The following ARL15 variants were observed in gnomAD, a reference collection of about 807,000 sequenced individuals.
ARL15 encodes ADP-ribosylation factor-like protein 15.
ARL15 carries 19 observed loss-of-function variants against 25.2 expected under a neutral mutation model. That is an observed-to-expected ratio of 0.75 (90% CI 0.53 to 1.10). ARL15 has a LOEUF of 1.10. Ranked by LOEUF, ARL15 falls within the 50% of genes least tolerant of loss-of-function variation. The pLI, the probability that ARL15 is intolerant of heterozygous loss-of-function variation, is 0.00. For synonymous variants in ARL15, 94 were observed against 86.8 expected, an observed-to-expected ratio of 1.08 and a Z score of -0.46; for missense variants, 220 against 246.0, an observed-to-expected ratio of 0.89 and a Z score of 0.71.
chr5:54,179,277 G>T lies in ARL15; in HGVS notation c.49-7349C>A, dbSNP rs143161065. Among the ~76,000 whole-genome samples, 48 of 152,254 alleles carry T rather than the reference G, an allele frequency of 3.2e-4. No homozygotes were observed. The East Asian group carries it at 8.7e-3, about 28-fold the overall frequency. On this transcript the variant is annotated intron_variant, in intron 1 of 4. Coordinates refer to ENST00000504924, the MANE Select transcript of ARL15 (RefSeq NM_019087.3). ...TGGCAGAGCTGGGGTTCGAGCCAGG[G>T]TTATTCCACTCCAGAGCCCTAGTTC...
rs1250273760 is a variant in ARL15, at chr5:53,987,614, GTTTC to G, written c.463-100905_463-100902del. Among the ~76,000 whole-genome samples the G allele has an allele frequency of 7.9e-5, 12 of 152,176 alleles. No homozygotes were observed. The South Asian group carries it at 2.1e-3, about 26-fold the overall frequency. ...AAAGAAGAAGGGAAGCTCAAGTCAA[GTTTC>G]TTTCCATTTAGAATAGAGCTTTGGG... On this transcript the variant is annotated intron_variant, in intron 4 of 4. Transcript: ENST00000504924.
intron 1 of ARL15, among the ~76,000 whole-genome samples, chr5:54,187,227 C>T (rs1165862938): frequency 6.6e-6 from 1 of 152,128 alleles, no homozygotes; most frequent in African/African-American, 2.4e-5. Context: ...GGGCATTGTG[C>T]CACTGAGCTG....
chr5:53,982,584 A>G (rs1461094746), intron 4 of ARL15, among the ~76,000 whole-genome samples: 1 of 152,032 alleles, frequency 6.6e-6, no homozygotes, highest in Non-Finnish European at 1.5e-5. Context: ...CCAGTCTATC[A>G]TTGATGGGCA....
intron 4 of ARL15, among the ~76,000 whole-genome samples, chr5:53,938,878 C>T (rs6898965): frequency 0.091 from 13,915 of 152,210 alleles, 776 homozygotes; most frequent in African/African-American, 0.15. Context: ...CAATTCTTAT[C>T]GGTGTTTACA....
chr5:54,177,812 G>A (rs1754928380), intron 1 of ARL15, among the ~76,000 whole-genome samples: 1 of 152,088 alleles, frequency 6.6e-6, no homozygotes, highest in Non-Finnish European at 1.5e-5. Context: ...CAGAATAAAA[G>A]TTCCTCCCCA....
At chr5:54,263,016 C>A (rs1757533141) in intron 1 of ARL15, among the ~76,000 whole-genome samples, 1 of 152,128 alleles carries the variant, frequency 6.6e-6, no homozygotes, top group South Asian at 2.1e-4. Context: ...AGTAGGATAA[C>A]AATATGGCAA....
intron 4 of ARL15, among the ~76,000 whole-genome samples, chr5:53,993,027 C>T (rs1401687028): frequency 6.9e-6 from 1 of 145,030 alleles, no homozygotes. Flanking sequence ...GCCCGGGCAA[C>T]AAGAGTAAAA....
chr5:54,080,999 C>CT (rs1364511065), intron 4 of ARL15, among the ~76,000 whole-genome samples: 3 of 152,144 alleles, frequency 2.0e-5, no homozygotes, highest in Admixed American at 6.5e-5. Flanking sequence ...CCTTCTTCCT[C>CT]TTAAGGCCAT....
intron 1 of ARL15, among the ~76,000 whole-genome samples, chr5:54,273,985 T>A (rs1757857024): frequency 6.6e-6 from 1 of 152,044 alleles, no homozygotes; most frequent in Non-Finnish European, 1.5e-5. Flanking sequence ...AAGGAGGCCG[T>A]TAGGTCTTTC....
chr5:53,983,761 CG>C (rs751884987), intron 4 of ARL15, among the ~76,000 whole-genome samples: 4 of 152,162 alleles, frequency 2.6e-5, no homozygotes, highest in Non-Finnish European at 4.4e-5. Context: ...AGAAAATAGA[CG>C]GAAGAAACCC....
chr5:54,304,022 G>C (rs1011564438), intron 1 of ARL15, among the ~76,000 whole-genome samples: 1 of 152,316 alleles, frequency 6.6e-6, no homozygotes, highest in Admixed American at 6.5e-5. Context: ...AGAGTCCTTG[G>C]GGACAAGGGC....
rs1176759586 is a variant in ARL15, at chr5:53,932,421, G to A, written c.463-45708C>T. 2.6e-5 allele frequency among the ~76,000 whole-genome samples: 4 copies of A among 152,214 alleles called. No individual in the cohort carries two copies. In the East Asian group the frequency reaches 7.7e-4, roughly 29 times the overall value. ...CCTTCATAGGAGAGCCTTGCCAATG[G>A]CTTTTTACCTCTGGCACAAAGACCA... On this transcript the variant is annotated intron_variant, in intron 4 of 4. Transcript: ENST00000504924.
intron 4 of ARL15, among the ~76,000 whole-genome samples, chr5:54,111,608 A>G (rs1007856803): frequency 6.6e-6 from 1 of 152,116 alleles, no homozygotes; most frequent in African/African-American, 2.4e-5. Context: ...CTTTTTTCAG[A>G]TATTGCAAAT....
intron 4 of ARL15, among the ~76,000 whole-genome samples, chr5:54,049,882 A>G (rs1750652831): frequency 6.6e-6 from 1 of 152,012 alleles, no homozygotes; most frequent in South Asian, 2.1e-4. Context: ...TGAAATATAG[A>G]TTTTAATCTT....
At chr5:53,964,208 T>C (rs1292287789) in intron 4 of ARL15, among the ~76,000 whole-genome samples, 1 of 152,174 alleles carries the variant, frequency 6.6e-6, no homozygotes, top group African/African-American at 2.4e-5. Flanking sequence ...AATATTCACT[T>C]TACAGGAAGG....
intron 1 of ARL15, among the ~76,000 whole-genome samples, chr5:54,253,916 T>C (rs1757302535): frequency 1.3e-5 from 2 of 152,126 alleles, no homozygotes; most frequent in African/African-American, 4.8e-5. Context: ...AGTACCTACA[T>C]AAGGTTAAGA....
intron 1 of ARL15, among the ~76,000 whole-genome samples, chr5:54,232,400 A>G (rs1213855278): frequency 1.3e-5 from 2 of 152,226 alleles, no homozygotes; most frequent in Non-Finnish European, 2.9e-5. Context: ...GCAGAAAAAC[A>G]GGAAGGGAAG....
intron 4 of ARL15, among the ~76,000 whole-genome samples, chr5:54,054,333 G>C (rs1424366253): frequency 6.6e-6 from 1 of 152,058 alleles, no homozygotes; most frequent in Non-Finnish European, 1.5e-5. Context: ...TTGCACCAGT[G>C]GATTATGTAT....
At chr5:54,280,064 A>G (rs950134856) in intron 1 of ARL15, among the ~76,000 whole-genome samples, 3 of 152,226 alleles carry the variant, frequency 2.0e-5, no homozygotes, top group African/African-American at 7.2e-5. Context: ...GCAACAGGCA[A>G]CTTTGCTTAG....
Sources: gnomAD v4.1 joint callset for allele counts (sites outside exome capture counted in the v4.1 genomes callset) on GRCh38, gnomAD v4.1.1 for gene constraint, MANE v1.5 for transcripts, NCBI Gene and HGNC (gene_info 2026-07-23, HGNC 2026-07-21) for gene names.